USP13: variants seen among roughly 807,000 people sequenced by gnomAD.
USP13 encodes ubiquitin specific peptidase 13, also known as ubiquitin carboxyl-terminal hydrolase 13.
A neutral mutation model predicts 107.8 loss-of-function variants in USP13; 68 were observed. The ratio of observed to expected loss-of-function variants is 0.63; its 90% CI spans 0.52 to 0.77. The LOEUF (loss-of-function observed/expected upper bound fraction) is 0.77. USP13 is among the 30% of genes least tolerant of loss of function. The probability of loss-of-function intolerance (pLI) is 0.00; values close to 1 mark genes in which losing one functional copy is unlikely to be tolerated. For missense variants in USP13, 945 were observed against 1,093.3 expected (o/e 0.86, Z 1.91); for synonymous variants, 377 against 389.5 (o/e 0.97, Z 0.38).
intron 1 of USP13, among the ~76,000 whole-genome samples, chr3:179,681,084 G>C (rs1340888371): frequency 2.0e-5 from 3 of 152,120 alleles, no homozygotes; most frequent in Non-Finnish European, 2.9e-5. Context: ...TCTGAGGTGA[G>C]AACCTCACTG....
At chr3:179,771,080 T>C (rs1256941430) in intron 19 of USP13, among the ~76,000 whole-genome samples, 2 of 152,210 alleles carry the variant, frequency 1.3e-5, no homozygotes, top group Admixed American at 1.3e-4. Flanking sequence ...CTGGGGGCAC[T>C]GGGCTGCAGG....
chr3:179,708,622 G>A (rs1247835488), intron 5 of USP13, 151 bp from the exon 6 acceptor site: 1 of 1,024,158 alleles, frequency 9.8e-7, no homozygotes, highest in East Asian at 2.5e-5. Context: ...GGCCAACAAT[G>A]TCTTGAGGGG....
chr3:179,654,018 T>C (rs907234289), intron 1 of USP13, among the ~76,000 whole-genome samples: 8 of 151,880 alleles, frequency 5.3e-5, no homozygotes, highest in Non-Finnish European at 1.0e-4. Flanking sequence ...GAGACCAGCC[T>C]GGCTAATATG....
intron 19 of USP13, among the ~76,000 whole-genome samples, chr3:179,780,739 T>C (rs2108556592): frequency 6.6e-6 from 1 of 152,192 alleles, no homozygotes; most frequent in South Asian, 2.1e-4. Flanking sequence ...CTGAGTAAGT[T>C]GAATGAGCCT....
chr3:179,724,919 A>T (rs1316632440), intron 8 of USP13, among the ~76,000 whole-genome samples: 1 of 152,162 alleles, frequency 6.6e-6, no homozygotes, highest in Non-Finnish European at 1.5e-5. Flanking sequence ...AACTTTTCTG[A>T]CATGAAAGAT....
At chr3:179,670,944 G>T (rs1266905162) in intron 1 of USP13, among the ~76,000 whole-genome samples, 1 of 152,072 alleles carries the variant, frequency 6.6e-6, no homozygotes, top group African/African-American at 2.4e-5. Flanking sequence ...TGATCCGTCT[G>T]TCTCGGCCTC....
rs150977876 is a variant in USP13, at chr3:179,655,548, G to GTTTTTTTT, written c.168+2156_168+2163dup. On this transcript the variant is annotated intron_variant, in intron 1 of 20. Transcript: ENST00000263966. ...AAGCACAGTGCGTGATAATGGGAAG[G>GTTTTTTTT]TTTTTTTTGTTTTGTTTTGTTTTTT... Among the ~76,000 whole-genome samples, 532 of 130,966 alleles carry GTTTTTTTT rather than the reference G, an allele frequency of 4.1e-3. 38 individuals carry two copies. The highest frequency in any genetic ancestry group is 0.014 in the African/African-American group (402 of 29,648). The allele number at this position is 130,966 out of a possible 152,430, so 85.9% of individuals were successfully genotyped here. A position where few individuals can be genotyped will look rare whatever the true frequency, so the allele number is the denominator to read the frequency against.
intron 11 of USP13, among the ~76,000 whole-genome samples, chr3:179,740,857 C>T (rs1163543544): frequency 6.7e-6 from 1 of 149,030 alleles, no homozygotes. Context: ...ACCTCTGCCT[C>T]CTGGGTTCAA....
chr3:179,727,183 TTAA>T (rs1713555274), intron 8 of USP13, among the ~76,000 whole-genome samples: 2 of 126,028 alleles, frequency 1.6e-5, no homozygotes, highest in East Asian at 2.3e-4. Context: ...TTTTTTTTTT[TTAA>T]TTGATCATTC....
At position 179,684,520 on chromosome 3, in the gene USP13, A is replaced by G. The variant is rs537545131; in HGVS notation, c.294+2517A>G. Among the ~76,000 whole-genome samples, 5 of 151,484 alleles carry G rather than the reference A, an allele frequency of 3.3e-5. 1 individual carries two copies. Among genetic ancestry groups the G allele is most frequent in the African/African-American group, 1.2e-4 (5 of 41,250 alleles). ...GAGATGGGGTTTTGCCATGTTTCCC[A>G]GGTGACCATGGTGCTCCGTCTTGTG... On this transcript the variant is annotated intron_variant, in intron 2 of 20. Coordinates refer to ENST00000263966, the MANE Select transcript of USP13 (RefSeq NM_003940.3).
At chr3:179,682,875 T>TA (rs1711714287) in intron 2 of USP13, among the ~76,000 whole-genome samples, 1 of 152,192 alleles carries the variant, frequency 6.6e-6, no homozygotes, top group Admixed American at 6.5e-5. Flanking sequence ...TCTTTGTTTT[T>TA]ATTAGATAGT....
At chr3:179,736,257 T>A (rs1713993456) in intron 10 of USP13, among the ~76,000 whole-genome samples, 1 of 152,266 alleles carries the variant, frequency 6.6e-6, no homozygotes, top group Non-Finnish European at 1.5e-5. Flanking sequence ...TGAGGTATTG[T>A]TTGACTTGTG....
In USP13 at chr3:179,748,723, T is replaced by C. The variant is rs557465941; in HGVS notation, c.1709+3506T>C. 1.7e-4 allele frequency among the ~76,000 whole-genome samples: 26 copies of C among 152,190 alleles called. No homozygotes were observed. In the South Asian group the frequency reaches 4.4e-3, roughly 26 times the overall value. On this transcript the variant is annotated intron_variant, in intron 13 of 20. Transcript: ENST00000263966. ...CAGATGAAGAGTTGAGAGGGAGAGA[T>C]TTTTACTTACCCATTCTCATTTATA...
At position 179,653,357 on chromosome 3, in the gene USP13, C is replaced by A. The variant is rs1185433464; in HGVS notation, c.132C>A (p.Val44=). ...GCGTGCCCAGGTCCGGCGACAGGGT[C>A]TACAAGAACGAGTGCGCCTTCTCCT... ...TIRVPRSGDR[V]YKNECAFSYD... is the part of the protein sequence containing the mutation. The change falls in exon 1 of 21, where the codon GTC becomes GTA. Residue 44 remains valine (V), a synonymous_variant. Transcript: ENST00000263966. The surrounding 1 kb of genome is among the most constrained non-coding windows in gnomAD (Gnocchi z 4.0). 3.2e-6 allele frequency: 5 copies of A among 1,575,452 alleles called. No individual in the cohort carries two copies. The highest frequency in any genetic ancestry group is 4.3e-6 in the Non-Finnish European group (5 of 1,160,770).
chr3:179,754,876 A>G, intron 15 of USP13, 22 bp downstream of exon 15: 2 of 1,603,120 alleles, frequency 1.2e-6, no homozygotes, highest in Non-Finnish European at 1.7e-6. Context: ...TGCCAGGAGA[A>G]TATGCGCTAC....
At chr3:179,687,419 G>A (rs923775068) in intron 2 of USP13, among the ~76,000 whole-genome samples, 25 of 151,650 alleles carry the variant, frequency 1.6e-4, no homozygotes, top group African/African-American at 6.1e-4. Context: ...CAACATTTTG[G>A]GAGGCTGAGG....
intron 12 of USP13, 116 bp from the exon 13 acceptor site, chr3:179,744,927 A>G: frequency 7.6e-7 from 1 of 1,322,894 alleles, no homozygotes; most frequent in Non-Finnish European, 1.0e-6. Flanking sequence ...AAGGGCGACA[A>G]ATAAGCAACT....
At chr3:179,662,605 G>T (rs1474534272) in intron 1 of USP13, among the ~76,000 whole-genome samples, 3 of 152,130 alleles carry the variant, frequency 2.0e-5, no homozygotes, top group Non-Finnish European at 2.9e-5. Context: ...GAGTGAAATG[G>T]ATGTCTTTGT....
intron 6 of USP13, among the ~76,000 whole-genome samples, chr3:179,711,218 T>A (rs800369): frequency 0.19 from 28,400 of 152,116 alleles, 2,846 homozygotes; most frequent in Non-Finnish European, 0.2. Flanking sequence ...ACACTTTTTT[T>A]TGTTTTGTTT....
Sources: allele counts gnomAD v4.1 joint callset (sites outside exome capture counted in the v4.1 genomes callset), GRCh38; gene constraint gnomAD v4.1.1; non-coding constraint Gnocchi (gnomAD v3.1); transcripts MANE v1.5; gene names NCBI Gene and HGNC (gene_info 2026-07-23, HGNC 2026-07-21).